Variants in NAA50 observed in about 807,000 individuals in gnomAD.
NAA50 encodes the protein N-alpha-acetyltransferase 50, NatE catalytic subunit, also known as N-alpha-acetyltransferase 50.
In NAA50, 7 loss-of-function variants were observed where a neutral mutation model predicts 20.7. The observed-to-expected ratio is 0.34, with a 90% CI of 0.19 to 0.63. The LOEUF (loss-of-function observed/expected upper bound fraction) is 0.63, where lower values mean the gene tolerates loss of function less well. Among genes scored for constraint, NAA50 ranks in the 30% least tolerant of loss-of-function variants. The pLI is 0.75. For synonymous variants in NAA50, 54 were observed against 70.6 expected (o/e 0.77, Z 1.18); for missense variants, 111 against 199.1 (o/e 0.56, Z 2.66).
intron 1 of NAA50, among the ~76,000 whole-genome samples, chr3:113,737,224 G>A (rs1478215671): frequency 6.6e-6 from 1 of 152,190 alleles, no homozygotes; most frequent in African/African-American, 2.4e-5. Context: ...ACTGATAAAG[G>A]TGCATTTGCA....
chr3:113,743,935 G>A (rs1247500941), intron 1 of NAA50, among the ~76,000 whole-genome samples: 3 of 152,030 alleles, frequency 2.0e-5, no homozygotes, highest in Non-Finnish European at 2.9e-5. Context: ...CATTTCTATC[G>A]CCAAGTTATG....
chr3:113,744,812 T>C (rs1050570516), intron 1 of NAA50, among the ~76,000 whole-genome samples: 2 of 152,220 alleles, frequency 1.3e-5, no homozygotes, highest in African/African-American at 2.4e-5. Flanking sequence ...TTTCTTGGAA[T>C]CTCTTCAGGA....
In NAA50 at chr3:113,745,930, G is replaced by A. The variant is rs200529161; in HGVS notation, c.8+12C>T. On this transcript the variant is annotated intron_variant, in intron 1 of 4. Coordinates refer to ENST00000240922, the MANE Select transcript of NAA50 (RefSeq NM_025146.4). The stretch of plus-strand genomic sequence containing the variant: ...CCCACCGGCCGGGCCCTGCCCGGCT[G>A]CCCTTCCTCACCCTTTCATCTTCCC... 302 of 1,604,870 alleles carry A rather than the reference G, an allele frequency of 1.9e-4. 2 individuals are homozygous for A. Among genetic ancestry groups the A allele is most frequent in the Middle Eastern group, 5.0e-4 (3 of 6,054 alleles).
rs1708095486 is a variant in NAA50 at position 113,718,730 on chromosome 3, C to A, written c.*3030G>T. Reference sequence around the variant, plus strand: ...TCTAATAATTACATTAAAAATACAGCAGCAAGACAGTTCCTTGGATCTTAC... The same window carrying A: ...TCTAATAATTACATTAAAAATACAGAAGCAAGACAGTTCCTTGGATCTTAC... On this transcript the variant is annotated 3_prime_UTR_variant, in exon 5 of 5. Coordinates refer to ENST00000240922, the MANE Select transcript of NAA50 (RefSeq NM_025146.4). The A allele has an allele frequency of 6.6e-6, 1 of 152,190 alleles. No individual in the cohort carries two copies. The highest frequency in any genetic ancestry group is 2.4e-5 in the African/African-American group (1 of 41,420). 9.4% of individuals were successfully genotyped at this position (152,190 alleles called of 1,614,324 possible).
chr3:113,746,047 C>A lies in NAA50; in HGVS notation c.-98G>T. The A allele has an allele frequency of 6.6e-7, 1 of 1,512,430 alleles. No homozygotes were observed. 93.7% of individuals were successfully genotyped at this position (1,512,430 alleles called of 1,614,324 possible). ...ACCCTTAGCTCGGGCCACTCAACCC[C>A]GCAAGCCGGCCTCCTAGCCTGGGCA... On this transcript the variant is annotated 5_prime_UTR_variant, in exon 1 of 5. Transcript: ENST00000240922.
At position 113,723,378 on chromosome 3, in the gene NAA50, T is replaced by C. The variant is rs754823255; in HGVS notation, c.265+44A>G. ...AGGTCAGACACATTAACAAATAATA[T>C]GTTTATGCTTCTCTGAAGAAGTAAA... On this transcript the variant is annotated intron_variant, in intron 3 of 4. Coordinates refer to ENST00000240922, the MANE Select transcript of NAA50 (RefSeq NM_025146.4). 5.1e-6 allele frequency: 8 copies of C among 1,555,520 alleles called. No individual in the cohort carries two copies. In the Admixed American group the frequency reaches 1.4e-4, roughly 27 times the overall value.
intron 1 of NAA50, 138 bp downstream of exon 1, chr3:113,745,804 G>A (rs1559744456): frequency 6.6e-6 from 7 of 1,063,628 alleles, no homozygotes; most frequent in African/African-American, 3.3e-5. Flanking sequence ...CGGGAGCCGA[G>A]GGAACTGAGA....
chr3:113,738,086 G>C (rs897583240), intron 1 of NAA50, among the ~76,000 whole-genome samples: 4 of 152,154 alleles, frequency 2.6e-5, no homozygotes, highest in Admixed American at 2.6e-4. Flanking sequence ...TCTCCAAACT[G>C]TATGCCTGCA....
chr3:113,745,531 C>T (rs1708480603), intron 1 of NAA50, among the ~76,000 whole-genome samples: 1 of 152,208 alleles, frequency 6.6e-6, no homozygotes, highest in African/African-American at 2.4e-5. Flanking sequence ...GTGTCAAACA[C>T]CGCAGTTCCA....
intron 1 of NAA50, among the ~76,000 whole-genome samples, chr3:113,736,456 T>A (rs1708343200): frequency 6.6e-6 from 1 of 152,248 alleles, no homozygotes; most frequent in African/African-American, 2.4e-5. Flanking sequence ...TTCACGTACA[T>A]AACTTCTGGG....
intron 1 of NAA50, among the ~76,000 whole-genome samples, chr3:113,736,893 T>TTA (rs1708350614): frequency 6.6e-6 from 1 of 152,230 alleles, no homozygotes; most frequent in Non-Finnish European, 1.5e-5. Context: ...TAAAGCCTGT[T>TTA]TATACTTTTA....
rs112883276 is a variant in NAA50, at chr3:113,743,577, T to C, written c.8+2365A>G. ...ATTCACACAACTCATTTGTTGAGTG[T>C]CTTAAATACAGACTTAGAAGCAAAA... On this transcript the variant is annotated intron_variant, in intron 1 of 4. Coordinates refer to ENST00000240922, the MANE Select transcript of NAA50 (RefSeq NM_025146.4). Among the ~76,000 whole-genome samples the C allele has an allele frequency of 3.6e-3, 547 of 152,346 alleles. 2 individuals are homozygous for C. Among genetic ancestry groups the C allele is most frequent in the African/African-American group, 0.013 (523 of 41,584 alleles).
chr3:113,745,583 T>C (rs1366750227), intron 1 of NAA50, among the ~76,000 whole-genome samples: 1 of 152,164 alleles, frequency 6.6e-6, no homozygotes, highest in Non-Finnish European at 1.5e-5. Context: ...CCACTCCACC[T>C]GGAGCTGCGG....
chr3:113,720,493 T>G lies in NAA50; in HGVS notation c.*1267A>C, dbSNP rs1159986286. ...GTGTGTGCCGGAAAATGATCTGGCA[T>G]AAACCAGTCCTCTCAGTGGAGGAGG... On this transcript the variant is annotated 3_prime_UTR_variant, in exon 5 of 5. Transcript: ENST00000240922. The G allele has an allele frequency of 6.6e-6, 1 of 152,654 alleles. No individual in the cohort carries two copies. The highest frequency in any genetic ancestry group is 2.4e-5 in the African/African-American group (1 of 41,470). The allele number at this position is 152,654 out of a possible 1,614,324, so 9.5% of individuals were successfully genotyped here. A position where few individuals can be genotyped will look rare whatever the true frequency, so the allele number is the denominator to read the frequency against.
At chr3:113,734,977 G>A (rs1708320921) in intron 1 of NAA50, among the ~76,000 whole-genome samples, 1 of 152,102 alleles carries the variant, frequency 6.6e-6, no homozygotes. Flanking sequence ...GGTAGTAAAG[G>A]GAAATGCACT....
intron 1 of NAA50, among the ~76,000 whole-genome samples, chr3:113,743,015 T>C (rs1708438432): frequency 1.3e-5 from 2 of 152,156 alleles, no homozygotes; most frequent in South Asian, 4.1e-4. Flanking sequence ...CCCTGGTTCA[T>C]AAAAACAGCC....
chr3:113,733,326 C>G (rs1007657479), intron 1 of NAA50, among the ~76,000 whole-genome samples: 1 of 143,022 alleles, frequency 7.0e-6, no homozygotes, highest in Non-Finnish European at 1.5e-5. Flanking sequence ...TTCTAAAAAT[C>G]TAAAACTACT....
chr3:113,730,138 A>G (rs968259808), intron 1 of NAA50, among the ~76,000 whole-genome samples: 18 of 152,106 alleles, frequency 1.2e-4, no homozygotes, highest in African/African-American at 4.3e-4. Context: ...TGTCTCTACT[A>G]AAAATACAAA....
chr3:113,727,762 C>A (rs936589306), intron 1 of NAA50, among the ~76,000 whole-genome samples: 1 of 151,772 alleles, frequency 6.6e-6, no homozygotes, highest in Non-Finnish European at 1.5e-5. Context: ...TGTATATACA[C>A]GCTTTAAACA....
Sources: gnomAD v4.1 joint callset for allele counts (sites outside exome capture counted in the v4.1 genomes callset) on GRCh38, gnomAD v4.1.1 for gene constraint, MANE v1.5 for transcripts, NCBI Gene and HGNC (gene_info 2026-07-23, HGNC 2026-07-21) for gene names.